The following BTD variants were observed in gnomAD, a reference collection of about 807,000 sequenced individuals.
BTD encodes biotinidase.
Under a neutral mutation model 17.7 loss-of-function variants are expected in BTD, and 13 were observed. The ratio of observed to expected loss-of-function variants is 0.74; its 90% confidence interval spans 0.48 to 1.17. The LOEUF is 1.17. Among genes scored for constraint, BTD ranks in the 50% most tolerant of loss-of-function variants. The pLI is 0.00. For missense variants in BTD, 674 were observed against 650.4 expected (o/e 1.04, Z -0.39); for synonymous variants, 240 against 245.2 (o/e 0.98, Z 0.20).
At chr3:15,717,776 G>A (rs910029435), downstream of BTD, among the ~76,000 whole-genome samples, 1 of 152,164 alleles carries the variant, frequency 6.6e-6, no homozygotes, top group African/African-American at 2.4e-5. Context: ...ATGTCAAGCA[G>A]TTCTAAAAAA....
At chr3:15,627,537 A>C (rs2065096656) in intron 1 of BTD, among the ~76,000 whole-genome samples, 1 of 152,044 alleles carries the variant, frequency 6.6e-6, no homozygotes, top group African/African-American at 2.4e-5. Flanking sequence ...CTCTCTTGGT[A>C]ATTTTGACTA....
At chr3:15,611,747 C>T (rs1202816514) in intron 1 of BTD, among the ~76,000 whole-genome samples, 1 of 149,798 alleles carries the variant, frequency 6.7e-6, no homozygotes, top group Non-Finnish European at 1.5e-5. Context: ...CACTGCACTC[C>T]AACCTGGGTG....
intron 4 of BTD, among the ~76,000 whole-genome samples, chr3:15,721,615 T>C (rs529893290): frequency 1.3e-5 from 2 of 152,352 alleles, no homozygotes; most frequent in East Asian, 3.9e-4. Flanking sequence ...GAACGGCATG[T>C]TCTATTTATT....
Position 15,651,806 on chromosome 3 carries a change from A to G in BTD, c.*6318A>G, listed in dbSNP as rs2065809420. Among the ~76,000 whole-genome samples the G allele has an allele frequency of 1.3e-5, 2 of 152,180 alleles. No homozygotes were observed. The highest frequency in any genetic ancestry group is 4.8e-5 in the African/African-American group (2 of 41,426). ...AGCCCTGGCATGGTTCTTCCAGAAC[A>G]TTCTGCAAGCTCATGGACCAGTTCA... On this transcript the variant is annotated 3_prime_UTR_variant, in exon 4 of 4. Transcript: ENST00000643237.
At position 15,644,373 on chromosome 3, in the gene BTD, C is replaced by G; in HGVS notation, c.457C>G (p.Leu153Val). The G allele has an allele frequency of 6.2e-7, 1 of 1,614,080 alleles. No individual in the cohort carries two copies. Among genetic ancestry groups the G allele is most frequent in the Non-Finnish European group, 8.5e-7 (1 of 1,180,016 alleles). ...IRGDMFLVAN[L>V]GTKEPCHSSD... ...GGGAGATATGTTCTTGGTGGCCAAT[C>G]TTGGGACAAAGGAGCCTTGTCATAG... The change falls in exon 4 of 4, where the codon CTT becomes GTT. Residue 153 changes from leucine (L) to valine (V), a missense_variant. Transcript: ENST00000643237.
intron 3 of BTD, among the ~76,000 whole-genome samples, chr3:15,708,834 T>C (rs2071828859): frequency 6.6e-6 from 1 of 152,198 alleles, no homozygotes; most frequent in South Asian, 2.1e-4. Flanking sequence ...ACTTCTCTTC[T>C]GCACTGGTTC....
At chr3:15,655,246 G>T (rs1177760887), downstream of BTD, among the ~76,000 whole-genome samples, 1 of 152,210 alleles carries the variant, frequency 6.6e-6, no homozygotes, top group Non-Finnish European at 1.5e-5. Flanking sequence ...CATATTAGGG[G>T]TTGAAGCATG....
rs557473099 is a variant in BTD at position 15,664,972 on chromosome 3, A to G, written c.399+22915A>G. ...ACCCCCCACGGCATGCAGTTTACCT[A>G]TATAACAAACCTGCACATGTTCCCT... On this transcript the variant is annotated intron_variant, in intron 3 of 3. Coordinates refer to the BTD transcript ENST00000672141. Among the ~76,000 whole-genome samples, 5 of 152,308 alleles carry G rather than the reference A, an allele frequency of 3.3e-5. No homozygotes were observed. In the East Asian group the frequency reaches 7.7e-4, roughly 24 times the overall value.
At chr3:15,601,666 G>A, upstream of BTD, 2 of 1,553,696 alleles carry the variant, frequency 1.3e-6, no homozygotes, top group Non-Finnish European at 1.7e-6. Flanking sequence ...GTAAACACGC[G>A]CGTTCTCCAA....
chr3:15,709,562 T>C, intron 3 of BTD: 1 of 715,460 alleles, frequency 1.4e-6, no homozygotes, highest in Non-Finnish European at 2.3e-6. Context: ...TCATGATCAG[T>C]GTACAAGATG....
intron 1 of BTD, among the ~76,000 whole-genome samples, chr3:15,607,735 G>T (rs2064497896): frequency 6.6e-6 from 1 of 152,096 alleles, no homozygotes; most frequent in Non-Finnish European, 1.5e-5. Context: ...GAAATTGCCT[G>T]ACATAAGATA....
intron 3 of BTD, chr3:15,675,769 A>T: frequency 1.4e-6 from 1 of 725,654 alleles, no homozygotes; most frequent in Non-Finnish European, 2.1e-6. Flanking sequence ...TTTGCCACAA[A>T]CTACTCTTCA....
At chr3:15,601,998 C>G in intron 1 of BTD, 104 bp downstream of exon 1, 1 of 1,542,222 alleles carries the variant, frequency 6.5e-7, no homozygotes, top group Non-Finnish European at 8.8e-7. Context: ...TGCGCAAAGG[C>G]TGCCGGGAGC....
chr3:15,683,304 T>C (rs76590627), intron 3 of BTD, among the ~76,000 whole-genome samples: 1,916 of 152,298 alleles, frequency 0.013, 44 homozygotes, highest in African/African-American at 0.043. Context: ...ATATTAGATA[T>C]TTTGGGTTTT....
downstream of BTD, among the ~76,000 whole-genome samples, chr3:15,657,619 G>A (rs1371706939): frequency 6.6e-6 from 1 of 152,134 alleles, no homozygotes; most frequent in Non-Finnish European, 1.5e-5. Flanking sequence ...CACATTACAA[G>A]CACTATGCAA....
chr3:15,615,035 A>G (rs1170667023), intron 1 of BTD, among the ~76,000 whole-genome samples: 1 of 152,108 alleles, frequency 6.6e-6, no homozygotes, highest in East Asian at 1.9e-4. Context: ...GTATTCTTTA[A>G]CTTTCTTGCA....
intron 1 of BTD, among the ~76,000 whole-genome samples, chr3:15,603,386 AGTGG>A (rs2064339907): frequency 6.6e-6 from 1 of 152,218 alleles, no homozygotes; most frequent in African/African-American, 2.4e-5. Context: ...GGCTGGGCGC[AGTGG>A]CTCACACCTG....
chr3:15,618,353 C>T (rs967249026), intron 1 of BTD, among the ~76,000 whole-genome samples: 5 of 152,092 alleles, frequency 3.3e-5, no homozygotes, highest in Admixed American at 6.6e-5. Flanking sequence ...TCAAGTTGTT[C>T]GCAAGAACTG....
At chr3:15,702,474 T>C (rs2070756599) in intron 3 of BTD, among the ~76,000 whole-genome samples, 1 of 152,216 alleles carries the variant, frequency 6.6e-6, no homozygotes, top group South Asian at 2.1e-4. Context: ...ATAAAATATA[T>C]ACACAAAATC....
Sources: allele counts gnomAD v4.1 joint callset (sites outside exome capture counted in the v4.1 genomes callset), GRCh38; gene constraint gnomAD v4.1.1; transcripts MANE v1.5; gene names NCBI Gene and HGNC (gene_info 2026-07-23, HGNC 2026-07-21).